Variants in NAV3 observed in about 807,000 individuals in gnomAD.
NAV3 encodes the protein neuron navigator 3.
NAV3 carries 87 observed loss-of-function variants against 244.7 expected under a neutral mutation model. The ratio of observed to expected loss-of-function variants is 0.36; its 90% CI spans 0.30 to 0.42. The LOEUF (loss-of-function observed/expected upper bound fraction) is 0.42, where lower values mean the gene tolerates loss of function less well. NAV3 is among the 20% of genes least tolerant of loss of function. NAV3 has a pLI of 1.00. For missense variants in NAV3, 2,663 were observed against 2,893.3 expected (o/e 0.92, Z 1.83); for synonymous variants, 1,126 against 1,042.2 (o/e 1.08, Z -1.55).
At chr12:77,811,979 A>T (rs189433441) in intron 2 of NAV3, among the ~76,000 whole-genome samples, 1 of 152,210 alleles carries the variant, frequency 6.6e-6, no homozygotes, top group Admixed American at 6.5e-5. Context: ...ATTTTTATTT[A>T]CCTTCACCCT....
intron 8 of NAV3, among the ~76,000 whole-genome samples, chr12:78,017,412 G>A (rs1876404588): frequency 6.6e-6 from 1 of 152,094 alleles, no homozygotes; most frequent in African/African-American, 2.4e-5. Flanking sequence ...CAGCCGGGGT[G>A]ACAGAGTGAG....
At chr12:77,781,241 G>T (rs570348751) in intron 2 of NAV3, among the ~76,000 whole-genome samples, 1 of 152,228 alleles carries the variant, frequency 6.6e-6, no homozygotes, top group African/African-American at 2.4e-5. Flanking sequence ...AGCCTGAAAA[G>T]AGTAATTCAG....
chr12:77,732,562 T>G (rs711147), intron 2 of NAV3, among the ~76,000 whole-genome samples: 81,305 of 151,314 alleles, frequency 0.54, 22,534 homozygotes, highest in East Asian at 0.85. Context: ...TAACATTTAC[T>G]GAGAGGTTAT....
Position 78,007,097 on chromosome 12 carries a change from T to C in NAV3, c.1559T>C (p.Leu520Ser). The change falls in exon 8 of 40, where the codon TTA (leucine) becomes TCA (serine). Residue 520 changes from leucine to serine, a missense_variant. Physicochemically the swap from Leu to Ser is moderately radical, Grantham distance 145. Around this residue, in one of 6 missense-constraint regions of NAV3, gnomAD observed 1,521 missense variants for 1,497.0 expected, o/e 1.02. Transcript: ENST00000397909. ...ACAACAGCAGCTAAGAAGGAAAGCT[T>C]AATTCCGTCTTCCAGTGGTATTCCA... The part of the protein sequence containing the change: ...SKTTAAKKES[L>S]IPSSSGIPKP... The C allele has an allele frequency of 6.2e-7, 1 of 1,614,140 alleles. No homozygotes were observed. The highest frequency in any genetic ancestry group is 1.1e-5 in the South Asian group (1 of 91,088).
intron 2 of NAV3, among the ~76,000 whole-genome samples, chr12:77,620,054 A>G (rs1871306924): frequency 6.6e-6 from 1 of 152,196 alleles, no homozygotes; most frequent in East Asian, 1.9e-4. Context: ...GAGTCTTTTC[A>G]TTTGGAGAGG....
upstream of NAV3, among the ~76,000 whole-genome samples, chr12:77,827,799 AT>A (rs369641357): frequency 6.6e-6 from 1 of 152,172 alleles, no homozygotes; most frequent in African/African-American, 2.4e-5. Context: ...AAGAATAATT[AT>A]TTTTTTACTC....
intron 22 of NAV3, among the ~76,000 whole-genome samples, chr12:78,156,607 G>T (rs1957314458): frequency 6.6e-6 from 1 of 152,056 alleles, no homozygotes; most frequent in African/African-American, 2.4e-5. Context: ...ATAGTAGAAT[G>T]ATTAAACCTT....
At chr12:77,808,636 T>C (rs893060855) in intron 2 of NAV3, among the ~76,000 whole-genome samples, 1 of 152,176 alleles carries the variant, frequency 6.6e-6, no homozygotes, top group Non-Finnish European at 1.5e-5. Context: ...TGTCTCCCAG[T>C]CAGGAGGCGC....
chr12:78,155,541 T>TG (rs1304087081), intron 22 of NAV3, among the ~76,000 whole-genome samples: 2 of 152,112 alleles, frequency 1.3e-5, no homozygotes, highest in Non-Finnish European at 2.9e-5. Flanking sequence ...TACCCAGTAA[T>TG]GGGATTACTG....
intron 5 of NAV3, among the ~76,000 whole-genome samples, chr12:77,989,287 T>C (rs993014141): frequency 4.6e-5 from 7 of 152,128 alleles, no homozygotes; most frequent in African/African-American, 1.7e-4. Context: ...ATGGCAGTAA[T>C]ACTATAATTA....
chr12:77,847,379 AT>A (rs1304701273), intron 1 of NAV3, among the ~76,000 whole-genome samples: 1 of 152,206 alleles, frequency 6.6e-6, no homozygotes, highest in Non-Finnish European at 1.5e-5. Context: ...ATTGCATCAC[AT>A]TTTGTCTAGT....
chr12:78,104,720 A>G (rs1475328744), intron 12 of NAV3, among the ~76,000 whole-genome samples: 1 of 152,156 alleles, frequency 6.6e-6, no homozygotes, highest in African/African-American at 2.4e-5. Flanking sequence ...TTCAGTTCTG[A>G]ATTTTGACAT....
intron 2 of NAV3, among the ~76,000 whole-genome samples, chr12:77,825,273 A>C (rs1049511073): frequency 1.4e-5 from 2 of 147,804 alleles, no homozygotes; most frequent in African/African-American, 5.2e-5. Flanking sequence ...CATCTAAGCA[A>C]AGGAAAGAAG....
chr12:77,584,968 G>T (rs569113059), intron 2 of NAV3, among the ~76,000 whole-genome samples: 1 of 152,320 alleles, frequency 6.6e-6, no homozygotes, highest in African/African-American at 2.4e-5. Context: ...GAGTGGCATT[G>T]AAGAATGCCT....
intron 2 of NAV3, among the ~76,000 whole-genome samples, chr12:77,696,566 C>G (rs533082875): frequency 6.6e-6 from 1 of 152,066 alleles, no homozygotes; most frequent in East Asian, 1.9e-4. Flanking sequence ...TTCATTTGGG[C>G]CTGGTCTCTT....
At chr12:78,172,782 G>A (rs928583718) in intron 24 of NAV3, among the ~76,000 whole-genome samples, 4 of 151,572 alleles carry the variant, frequency 2.6e-5, no homozygotes, top group Admixed American at 2.0e-4. Flanking sequence ...CGGTTGATGA[G>A]TTAAGAACTG....
At position 77,912,797 on chromosome 12, in the gene NAV3, A is replaced by T. The variant is rs180976333; in HGVS notation, c.244-27522A>T. ...AAAATTAATTTTGTATTTTTACTAG[A>T]GATGGGGTTTCACCATATTGCTCAG... On this transcript the variant is annotated intron_variant, in intron 1 of 39. Transcript: ENST00000397909. Among the ~76,000 whole-genome samples, 417 of 149,812 alleles carry T rather than the reference A, an allele frequency of 2.8e-3. 3 individuals carry two copies. Among genetic ancestry groups the T allele is most frequent in the African/African-American group, 9.9e-3 (407 of 41,154 alleles).
intron 1 of NAV3, among the ~76,000 whole-genome samples, chr12:77,908,793 A>T (rs112921840): frequency 2.5e-3 from 384 of 152,204 alleles, no homozygotes; most frequent in African/African-American, 8.4e-3. Context: ...TTTATAGATC[A>T]GATTGTTCCT....
chr12:78,087,517 G>A (rs558980976), intron 12 of NAV3, among the ~76,000 whole-genome samples: 7 of 152,028 alleles, frequency 4.6e-5, no homozygotes, highest in Admixed American at 2.6e-4. Flanking sequence ...AGATGAGGTC[G>A]TAACCTGAGT....
Sources: gnomAD v4.1 joint callset for allele counts (sites outside exome capture counted in the v4.1 genomes callset) on GRCh38, gnomAD v4.1.1 for gene constraint, gnomAD v4.1.1 regional missense constraint, MANE v1.5 for transcripts, NCBI Gene and HGNC (gene_info 2026-07-23, HGNC 2026-07-21) for gene names.